The following SCN1A variants were observed in gnomAD, a reference collection of about 807,000 sequenced individuals.
SCN1A encodes sodium channel protein type 1 subunit alpha.
Under a neutral mutation model 193.7 loss-of-function variants are expected in SCN1A, and 13 were observed. The ratio of observed to expected loss-of-function variants is 0.07; its 90% CI spans 0.04 to 0.11. The LOEUF is 0.11. Ranked by LOEUF, SCN1A falls within the 10% of genes least tolerant of loss-of-function variation. The pLI, the probability that SCN1A is intolerant of heterozygous loss-of-function variation, is 1.00. For missense variants in SCN1A, 1,432 were observed against 2,451.1 expected, an observed-to-expected ratio of 0.58 and a Z score of 8.78; for synonymous variants, 781 against 843.6, an observed-to-expected ratio of 0.93 and a Z score of 1.29.
rs1490675512 is a variant in SCN1A at position 166,045,138 on chromosome 2, A to G, written c.1567T>C (p.Ser523Pro). Residue 523 changes from serine to proline, a missense_variant, in exon 13 of 29, where the codon TCT becomes CCT. Physicochemically the swap from Ser to Pro is moderately conservative, Grantham distance 74. Around this residue, in one of 18 missense-constraint regions of SCN1A, gnomAD observed 316 missense variants for 362.1 expected, o/e 0.87. Coordinates refer to ENST00000674923, the MANE Select transcript of SCN1A (RefSeq NM_001165963.4). Reference sequence around the variant, plus strand: ...CTCCTGATGCTGTCCTCAGATTCAGATTTTTGGAATTCATCCTCATCTTTC... The same window carrying G: ...CTCCTGATGCTGTCCTCAGATTCAGGTTTTTGGAATTCATCCTCATCTTTC... The part of the protein sequence containing the change: ...EEKDEDEFQK[S>P]ESEDSIRRKG... 2 of 1,614,104 alleles carry G rather than the reference A, an allele frequency of 1.2e-6. No individual in the cohort carries two copies. The highest frequency in any genetic ancestry group is 1.7e-6 in the Non-Finnish European group (2 of 1,180,000).
At chr2:166,111,284 T>C (rs966800176) in intron 2 of SCN1A, among the ~76,000 whole-genome samples, 9 of 152,060 alleles carry the variant, frequency 5.9e-5, no homozygotes, top group African/African-American at 2.2e-4. Flanking sequence ...CAATTTTCAT[T>C]TACTAGTCAA....
chr2:166,005,248 G>A (rs1691502471), intron 23 of SCN1A, among the ~76,000 whole-genome samples: 1 of 151,360 alleles, frequency 6.6e-6, no homozygotes, highest in Non-Finnish European at 1.5e-5. Flanking sequence ...TAAAATAATG[G>A]TTGACAAAAA....
Position 165,991,315 on chromosome 2 carries a change from T to A in SCN1A, c.5960A>T (p.Asp1987Val). Residue 1987 changes from aspartate to valine, a missense_variant, in exon 29 of 29, where the codon GAC (aspartate) becomes GTC (valine). Around this residue, in one of 18 missense-constraint regions of SCN1A, gnomAD observed 148 missense variants for 160.3 expected, o/e 0.92. Transcript: ENST00000674923. ...MSTAACPPSYDRVTKPIVEKH... is the reference protein window; with the variant it reads ...MSTAACPPSYVRVTKPIVEKH... ...TTCCACAATTGGCTTTGTCACCCGG[T>A]CATAGGAAGGTGGACAAGCTGCAGT... 1 of 1,613,552 alleles carries A rather than the reference T, an allele frequency of 6.2e-7. No homozygotes were observed. The highest frequency in any genetic ancestry group is 8.5e-7 in the Non-Finnish European group (1 of 1,179,826).
At chr2:166,081,437 C>T (rs1685513718) in intron 2 of SCN1A, 1 of 151,830 alleles carries the variant, frequency 6.6e-6, no homozygotes, top group African/African-American at 2.4e-5. Flanking sequence ...CTGCTTGGGC[C>T]TCTGTGGTTA....
intron 19 of SCN1A, among the ~76,000 whole-genome samples, chr2:166,022,408 A>G (rs944859945): frequency 1.3e-5 from 2 of 152,158 alleles, no homozygotes; most frequent in African/African-American, 4.8e-5. Context: ...GGTAATACCA[A>G]GTGAAGAGAC....
At chr2:166,134,172 GAA>G (rs1691767101) in intron 1 of SCN1A, among the ~76,000 whole-genome samples, 1 of 152,140 alleles carries the variant, frequency 6.6e-6, no homozygotes, top group Non-Finnish European at 1.5e-5. Context: ...TGTGGAGCTG[GAA>G]AAGTCTCAGA....
At chr2:166,076,773 G>T (rs1164248881) in intron 3 of SCN1A, among the ~76,000 whole-genome samples, 2 of 151,182 alleles carry the variant, frequency 1.3e-5, no homozygotes, top group East Asian at 3.9e-4. Flanking sequence ...AAGAAGCAAG[G>T]TAATAAAATG....
chr2:166,001,902 T>C (rs1690914052), intron 24 of SCN1A, among the ~76,000 whole-genome samples: 1 of 146,580 alleles, frequency 6.8e-6, no homozygotes, highest in Non-Finnish European at 1.5e-5. Context: ...TTTTTTTTTT[T>C]TTTTAGATGG....
chr2:166,020,490 AT>A (rs1390627076), intron 19 of SCN1A, among the ~76,000 whole-genome samples: 3 of 152,134 alleles, frequency 2.0e-5, no homozygotes, highest in African/African-American at 7.2e-5. Context: ...GCACATTTCT[AT>A]TTTCACCAGC....
chr2:166,035,405 C>A (rs781427534), intron 19 of SCN1A, among the ~76,000 whole-genome samples: 1 of 151,788 alleles, frequency 6.6e-6, no homozygotes, highest in African/African-American at 2.4e-5. Context: ...CAGTCATTTC[C>A]GAGTTAAATC....
Position 166,098,348 on chromosome 2 carries a change from A to T in SCN1A, c.-141-20547T>A, listed in dbSNP as rs147552177. 2.0e-5 allele frequency among the ~76,000 whole-genome samples: 3 copies of T among 152,236 alleles called. 1 individual carries two copies. The East Asian group carries it at 5.8e-4, about 29-fold the overall frequency. Reference sequence around the variant, plus strand: ...CTCTTCATGTTAAAAACCCTCAACAAATTAGGCCAAAGCATAAGAGCCATC... The same window carrying T: ...CTCTTCATGTTAAAAACCCTCAACATATTAGGCCAAAGCATAAGAGCCATC... On this transcript the variant is annotated intron_variant, in intron 2 of 28. Coordinates refer to ENST00000674923, the MANE Select transcript of SCN1A (RefSeq NM_001165963.4).
intron 28 of SCN1A, 39 bp downstream of exon 28, chr2:165,994,107 T>G: frequency 6.7e-7 from 1 of 1,494,390 alleles, no homozygotes; most frequent in South Asian, 1.2e-5. Flanking sequence ...AGCTTTCACT[T>G]TTATTTAACT....
intron 1 of SCN1A, among the ~76,000 whole-genome samples, chr2:166,142,249 G>C (rs1043210061): frequency 6.6e-6 from 1 of 152,280 alleles, no homozygotes; most frequent in African/African-American, 2.4e-5. Flanking sequence ...GTGTTGAGAA[G>C]ATAAAACCAA....
intron 19 of SCN1A, among the ~76,000 whole-genome samples, chr2:166,033,303 C>T (rs939052602): frequency 6.6e-6 from 1 of 152,040 alleles, no homozygotes. Context: ...GCCCATGAAC[C>T]AAGTGGTTGC....
In SCN1A at chr2:166,120,605, T is replaced by C. The variant is rs1690458066; in HGVS notation, c.-142+6319A>G. On this transcript the variant is annotated intron_variant, in intron 2 of 28. Coordinates refer to ENST00000674923, the MANE Select transcript of SCN1A (RefSeq NM_001165963.4). ...TTCTTTTTTCTTTTCTCTTTTTTTTTTTTTTTTTTTTTTTTTTTTGAGACA... is the reference window on the plus strand; with the variant it reads ...TTCTTTTTTCTTTTCTCTTTTTTTTCTTTTTTTTTTTTTTTTTTTGAGACA... Among the ~76,000 whole-genome samples, 4 of 54,476 alleles carry C rather than the reference T, an allele frequency of 7.3e-5. No individual in the cohort carries two copies. The South Asian group carries it at 3.1e-3, about 43-fold the overall frequency. The allele number at this position is 54,476 out of a possible 152,430, so 35.7% of individuals were successfully genotyped here.
intron 19 of SCN1A, among the ~76,000 whole-genome samples, chr2:166,017,024 T>G (rs1693401738): frequency 6.7e-6 from 1 of 149,942 alleles, no homozygotes; most frequent in Non-Finnish European, 1.5e-5. Flanking sequence ...GTTGCCTTCT[T>G]TCCTTTCCTT....
At chr2:166,101,848 C>A (rs575332740) in intron 2 of SCN1A, among the ~76,000 whole-genome samples, 2 of 152,146 alleles carry the variant, frequency 1.3e-5, no homozygotes, top group Admixed American at 6.5e-5. Flanking sequence ...AAAGCAATTG[C>A]AACAAAACCA....
intron 27 of SCN1A, among the ~76,000 whole-genome samples, chr2:165,994,920 A>C (rs1159832727): frequency 1.3e-5 from 2 of 151,986 alleles, no homozygotes; most frequent in Non-Finnish European, 2.9e-5. Flanking sequence ...GCATTTAAAT[A>C]CCACATATGG....
chr2:166,132,789 AT>A (rs1558910525), upstream of SCN1A, among the ~76,000 whole-genome samples: 1 of 151,952 alleles, frequency 6.6e-6, no homozygotes, highest in Non-Finnish European at 1.5e-5. Flanking sequence ...ATAATCAGCC[AT>A]TTTTTTCAAA....
Sources: allele counts gnomAD v4.1 joint callset (sites outside exome capture counted in the v4.1 genomes callset), GRCh38; gene constraint gnomAD v4.1.1; regional missense constraint gnomAD v4.1.1; transcripts MANE v1.5; gene names NCBI Gene and HGNC (gene_info 2026-07-23, HGNC 2026-07-21).